Variants in ORC4 observed in about 807,000 individuals in gnomAD.
ORC4 encodes origin recognition complex subunit 4, also known as origin recognition complex, subunit 4 homolog.
A neutral mutation model predicts 63.9 loss-of-function variants in ORC4; 55 were observed. The ratio of observed to expected loss-of-function variants is 0.86; its 90% CI spans 0.69 to 1.08. The LOEUF is 1.08. Ranked by LOEUF, ORC4 falls within the 50% of genes least tolerant of loss-of-function variation. ORC4 has a pLI of 0.00. For missense variants in ORC4, 511 were observed against 504.4 expected (o/e 1.01, Z -0.13); for synonymous variants, 150 against 168.5 (o/e 0.89, Z 0.85).
At chr2:147,976,044 C>G in intron 1 of ORC4, 69 bp from the exon 2 acceptor site, 3 of 829,400 alleles carry the variant, frequency 3.6e-6, no homozygotes, top group Non-Finnish European at 6.2e-6. Context: ...ATTTACTGTT[C>G]TAGAATTAAA....
chr2:148,007,394 C>G, intron 1 of ORC4, among the ~76,000 whole-genome samples: 1 of 152,182 alleles, frequency 6.6e-6, no homozygotes, highest in South Asian at 2.1e-4. Context: ...AGAAACTTAA[C>G]AAAGAGACTA....
At chr2:147,942,381 T>G (rs2105268527) in intron 10 of ORC4, among the ~76,000 whole-genome samples, 1 of 152,236 alleles carries the variant, frequency 6.6e-6, no homozygotes, top group Middle Eastern at 3.4e-3. Context: ...TATGTAAGCT[T>G]AAGATATAAT....
chr2:147,955,485 C>T, intron 6 of ORC4, 90 bp from the exon 7 acceptor site: 1 of 865,086 alleles, frequency 1.2e-6, no homozygotes, highest in Admixed American at 2.0e-5. Context: ...TATATAAACA[C>T]TGTATATCTT....
rs1050877243 is a variant in ORC4 at position 147,938,156 on chromosome 2, A to G, written c.1112T>C (p.Val371Ala). ...AHSVYNFEKP[V>A]VMKAFEHLQQ... ...CAAACTAAATCTTACCTTCATGACA[A>G]CAGGTTTTTCAAAATTATAAACGGA... Residue 371 changes from valine to alanine, a missense_variant, in exon 13 of 14, where the codon GTT becomes GCT. Transcript: ENST00000392857. 2.5e-6 allele frequency: 4 copies of G among 1,608,768 alleles called. No individual in the cohort carries two copies. The African/African-American group carries it at 5.3e-5, about 22-fold the overall frequency.
intron 1 of ORC4, among the ~76,000 whole-genome samples, chr2:147,994,763 G>A (rs566849602): frequency 4.6e-5 from 7 of 152,230 alleles, no homozygotes; most frequent in Admixed American, 1.3e-4. Context: ...AGTGGCTCAC[G>A]CCTCTAATCC....
intron 10 of ORC4, among the ~76,000 whole-genome samples, chr2:147,941,657 G>A (rs1688371080): frequency 6.6e-6 from 1 of 151,782 alleles, no homozygotes; most frequent in Non-Finnish European, 1.5e-5. Flanking sequence ...CAAAAAACAA[G>A]CCATTATTTA....
intron 1 of ORC4, among the ~76,000 whole-genome samples, chr2:147,992,108 A>G (rs1028621486): frequency 6.6e-6 from 1 of 152,202 alleles, no homozygotes; most frequent in African/African-American, 2.4e-5. Flanking sequence ...ACATAACTAC[A>G]TCTTAAATAT....
At position 147,972,804 on chromosome 2, in the gene ORC4, T is replaced by C. The variant is rs1168439200; in HGVS notation, c.160A>G (p.Thr54Ala). The C allele has an allele frequency of 4.3e-6, 7 of 1,610,814 alleles. No individual in the cohort carries two copies. The highest frequency in any genetic ancestry group is 2.5e-6 in the Non-Finnish European group (3 of 1,177,340). The stretch of plus-strand genomic sequence containing the variant: ...GAGTTACTCTCTCCATGGAGAGCAG[T>C]TCTTTTCAGCAGCTCACTTAAGTGT... ...YKHLSELLKR[T>A]ALHGESNSVL... is the part of the protein sequence containing the mutation. The change falls in exon 4 of 14, where the codon ACT (threonine) becomes GCT (alanine). Residue 54 changes from threonine to alanine, a missense_variant. Physicochemically the swap from Thr to Ala is moderately conservative, Grantham distance 58. Transcript: ENST00000392857.
chr2:148,019,652 A>T (rs553878955), intron 1 of ORC4, among the ~76,000 whole-genome samples: 2 of 152,240 alleles, frequency 1.3e-5, no homozygotes, highest in Non-Finnish European at 2.9e-5. Flanking sequence ...AATAAATACG[A>T]AGAATTTTAG....
chr2:147,987,003 TA>T (rs1179270430), intron 1 of ORC4, among the ~76,000 whole-genome samples: 1 of 152,090 alleles, frequency 6.6e-6, no homozygotes, highest in African/African-American at 2.4e-5. Context: ...TGTCTAAACT[TA>T]AAACATGAAG....
rs536953740 is a variant in ORC4, at chr2:148,019,158, T to G, written c.-18+1475A>C. Reference sequence around the variant, plus strand: ...TAAAGCACAGGAGTCTAGTTTTGATTCCATCGGACATGATTACCGTACACA... The same window carrying G: ...TAAAGCACAGGAGTCTAGTTTTGATGCCATCGGACATGATTACCGTACACA... On this transcript the variant is annotated intron_variant, in intron 1 of 13. Transcript: ENST00000392857. Among the ~76,000 whole-genome samples, 11 of 152,262 alleles carry G rather than the reference T, an allele frequency of 7.2e-5. No individual in the cohort carries two copies. In the South Asian group the frequency reaches 2.3e-3, roughly 32 times the overall value.
chr2:148,003,037 G>T (rs2105439399), intron 1 of ORC4, among the ~76,000 whole-genome samples: 1 of 152,106 alleles, frequency 6.6e-6, no homozygotes, highest in East Asian at 1.9e-4. Context: ...CCTGGACACA[G>T]ACACCATCCC....
intron 1 of ORC4, among the ~76,000 whole-genome samples, chr2:147,988,337 T>A (rs1691355769): frequency 6.6e-6 from 1 of 151,854 alleles, no homozygotes; most frequent in Non-Finnish European, 1.5e-5. Context: ...TTTGGAGACA[T>A]TACTGAATCC....
intron 1 of ORC4, among the ~76,000 whole-genome samples, chr2:148,004,296 A>G (rs1027698101): frequency 7.9e-5 from 12 of 152,224 alleles, no homozygotes; most frequent in African/African-American, 2.9e-4. Context: ...AAGAGCCCGC[A>G]TAAGCCAAGA....
chr2:148,015,698 ATTAC>A (rs1374786150), intron 1 of ORC4, among the ~76,000 whole-genome samples: 1 of 150,888 alleles, frequency 6.6e-6, no homozygotes, highest in Admixed American at 6.6e-5. Flanking sequence ...CTAATGACTT[ATTAC>A]TTGCTGTTTA....
intron 1 of ORC4, among the ~76,000 whole-genome samples, chr2:147,996,114 G>A (rs1455923293): frequency 6.6e-6 from 1 of 152,110 alleles, no homozygotes; most frequent in Non-Finnish European, 1.5e-5. Flanking sequence ...GACCATCCTG[G>A]CCAATGTGGT....
At chr2:147,990,767 T>A (rs1691533072) in intron 1 of ORC4, among the ~76,000 whole-genome samples, 1 of 152,240 alleles carries the variant, frequency 6.6e-6, no homozygotes, top group Non-Finnish European at 1.5e-5. Flanking sequence ...ATTAAATGAT[T>A]CCAAGGTTTG....
chr2:147,997,180 G>C (rs1168972741), intron 1 of ORC4, among the ~76,000 whole-genome samples: 1 of 152,088 alleles, frequency 6.6e-6, no homozygotes, highest in Non-Finnish European at 1.5e-5. Context: ...CCAACTATAT[G>C]ATATTCTGGA....
chr2:147,975,177 G>C (rs963949791), intron 2 of ORC4, among the ~76,000 whole-genome samples: 2 of 151,928 alleles, frequency 1.3e-5, no homozygotes, highest in African/African-American at 4.8e-5. Context: ...CAAATGCCAG[G>C]GTAGAAATAC....
Sources: allele counts gnomAD v4.1 joint callset (sites outside exome capture counted in the v4.1 genomes callset), GRCh38; gene constraint gnomAD v4.1.1; transcripts MANE v1.5; gene names NCBI Gene and HGNC (gene_info 2026-07-23, HGNC 2026-07-21).